The following NRXN1 variants were observed in gnomAD, a reference collection of about 807,000 sequenced individuals.
NRXN1 encodes the protein neurexin-1.
In NRXN1, 39 loss-of-function variants were observed where a neutral mutation model predicts 150.9. The ratio of observed to expected loss-of-function variants is 0.26; its 90% confidence interval spans 0.20 to 0.34. The LOEUF (loss-of-function observed/expected upper bound fraction) is 0.34, where lower values mean the gene tolerates loss of function less well. NRXN1 is among the 10% of genes least tolerant of loss of function. NRXN1 has a pLI of 1.00. For missense variants in NRXN1, 1,815 were observed against 1,949.9 expected (o/e 0.93, Z 1.30); for synonymous variants, 924 against 757.0 (o/e 1.22, Z -3.62).
chr2:50,987,120 A>AT (rs539228249), intron 2 of NRXN1, among the ~76,000 whole-genome samples: 3 of 151,852 alleles, frequency 2.0e-5, no homozygotes, highest in South Asian at 2.1e-4. Context: ...ACAAAAACTC[A>AT]TTTTTTTCAC....
At chr2:50,473,812 C>T (rs1468263254) in intron 15 of NRXN1, among the ~76,000 whole-genome samples, 4 of 151,980 alleles carry the variant, frequency 2.6e-5, no homozygotes, top group Non-Finnish European at 5.9e-5. Context: ...CTTCTGCAGG[C>T]ACCCATTAAA....
At chr2:50,277,661 A>G (rs1192655138) in intron 17 of NRXN1, among the ~76,000 whole-genome samples, 4 of 152,038 alleles carry the variant, frequency 2.6e-5, no homozygotes, top group Non-Finnish European at 4.4e-5. Flanking sequence ...ACTATTTTAG[A>G]AAAATATTTT....
intron 5 of NRXN1, among the ~76,000 whole-genome samples, chr2:50,769,810 T>C (rs1702790827): frequency 6.6e-6 from 1 of 152,096 alleles, no homozygotes; most frequent in Non-Finnish European, 1.5e-5. Flanking sequence ...GAAATTAACA[T>C]GACCATCTAG....
intron 2 of NRXN1, among the ~76,000 whole-genome samples, chr2:50,937,349 T>A (rs926855798): frequency 1.4e-4 from 21 of 152,148 alleles, no homozygotes; most frequent in African/African-American, 4.8e-4. Context: ...AATAAATATG[T>A]GTTATAAAGA....
chr2:50,845,532 G>C (rs1193973651), intron 5 of NRXN1, among the ~76,000 whole-genome samples: 3 of 152,140 alleles, frequency 2.0e-5, no homozygotes, highest in Admixed American at 6.5e-5. Context: ...TTCACCATCT[G>C]AAATTAGCCT....
At chr2:51,003,168 G>T (rs1003283767) in intron 2 of NRXN1, among the ~76,000 whole-genome samples, 3 of 151,850 alleles carry the variant, frequency 2.0e-5, no homozygotes, top group Non-Finnish European at 4.4e-5. Context: ...AATAAGCATA[G>T]AAAGTCTTGG....
chr2:50,477,591 G>A (rs896810484), intron 15 of NRXN1, among the ~76,000 whole-genome samples: 34 of 152,098 alleles, frequency 2.2e-4, no homozygotes, highest in African/African-American at 8.2e-4. Flanking sequence ...CAAGTGTCAA[G>A]GTATAATTAG....
intron 8 of NRXN1, among the ~76,000 whole-genome samples, chr2:50,586,963 T>C (rs72835381): frequency 0.11 from 16,214 of 152,266 alleles, 1,169 homozygotes; most frequent in Non-Finnish European, 0.16. Flanking sequence ...ATACATGGCT[T>C]CTGTTTTGTA....
At chr2:50,854,546 T>C (rs982950920) in intron 5 of NRXN1, among the ~76,000 whole-genome samples, 3 of 152,114 alleles carry the variant, frequency 2.0e-5, no homozygotes, top group African/African-American at 7.2e-5. Context: ...CACACTTTGT[T>C]TGAAAGAACA....
At chr2:50,086,868 C>T (rs1698861800) in intron 19 of NRXN1, among the ~76,000 whole-genome samples, 1 of 149,476 alleles carries the variant, frequency 6.7e-6, no homozygotes, top group Non-Finnish European at 1.5e-5. Flanking sequence ...AAAATGCGGG[C>T]ATGTCTCTCC....
intron 18 of NRXN1, among the ~76,000 whole-genome samples, chr2:50,167,569 C>A (rs1451422113): frequency 6.6e-6 from 1 of 151,184 alleles, no homozygotes; most frequent in Admixed American, 6.6e-5. Context: ...AAAAAAACAA[C>A]CTGATTATCA....
chr2:50,781,154 G>GCC (rs1461059588), intron 5 of NRXN1, among the ~76,000 whole-genome samples: 1 of 152,158 alleles, frequency 6.6e-6, no homozygotes, highest in African/African-American at 2.4e-5. Context: ...TGCAAAGACA[G>GCC]CCATTTGGTA....
chr2:50,557,605 T>C (rs1320741116), intron 8 of NRXN1, among the ~76,000 whole-genome samples: 2 of 152,280 alleles, frequency 1.3e-5, no homozygotes, highest in East Asian at 3.9e-4. Flanking sequence ...TAAAGGACAA[T>C]GGTATCTACC....
At chr2:50,833,301 C>T (rs543281301) in intron 5 of NRXN1, among the ~76,000 whole-genome samples, 1 of 152,202 alleles carries the variant, frequency 6.6e-6, no homozygotes, top group South Asian at 2.1e-4. Context: ...TATATACTTA[C>T]CATATGTCCC....
intron 19 of NRXN1, among the ~76,000 whole-genome samples, chr2:50,062,431 T>C (rs113753871): frequency 5.3e-5 from 8 of 152,278 alleles, no homozygotes; most frequent in African/African-American, 1.9e-4. Flanking sequence ...GTCTTCCGAA[T>C]TGAAAGAAAT....
At chr2:50,280,637 T>C (rs879516430) in intron 17 of NRXN1, among the ~76,000 whole-genome samples, 2 of 152,178 alleles carry the variant, frequency 1.3e-5, no homozygotes, top group East Asian at 1.9e-4. Context: ...GAGACAACTA[T>C]GGCACATCAT....
intron 18 of NRXN1, among the ~76,000 whole-genome samples, chr2:50,197,339 T>C (rs17040147): frequency 0.23 from 35,380 of 152,016 alleles, 4,973 homozygotes; most frequent in East Asian, 0.41. Flanking sequence ...AGCATATCAA[T>C]TGATCATGAA....
chr2:49,927,512 A>T (rs2104107037), intron 22 of NRXN1, among the ~76,000 whole-genome samples: 1 of 152,334 alleles, frequency 6.6e-6, no homozygotes, highest in South Asian at 2.1e-4. Context: ...TAAAATAACT[A>T]AGCAATTTGA....
chr2:50,477,085 A>T (rs943274563), intron 15 of NRXN1, among the ~76,000 whole-genome samples: 1 of 152,172 alleles, frequency 6.6e-6, no homozygotes, highest in Non-Finnish European at 1.5e-5. Context: ...AGACACAGGG[A>T]ACAGCACAAT....
Sources: allele counts gnomAD v4.1 joint callset (sites outside exome capture counted in the v4.1 genomes callset), GRCh38; gene constraint gnomAD v4.1.1; transcripts MANE v1.5; gene names NCBI Gene and HGNC (gene_info 2026-07-23, HGNC 2026-07-21).